Variants in ODAM observed in about 807,000 individuals in gnomAD.
ODAM encodes the protein odontogenic ameloblast-associated protein.
Under a neutral mutation model 48.5 loss-of-function variants are expected in ODAM, and 55 were observed. The ratio of observed to expected loss-of-function variants is 1.13; its 90% CI spans 0.91 to 1.42. ODAM has a LOEUF of 1.42. Ranked by LOEUF, ODAM falls within the 40% of genes most tolerant of loss-of-function variation. ODAM has a pLI of 0.00. For synonymous variants in ODAM, 127 were observed against 107.8 expected (o/e 1.18, Z -1.10); for missense variants, 353 against 323.6 (o/e 1.09, Z -0.70).
At position 70,202,781 on chromosome 4, in the gene ODAM, T is replaced by G. The variant is rs781048110; in HGVS notation, c.674T>G (p.Leu225Ter). 1 of 1,611,000 alleles carries G rather than the reference T, an allele frequency of 6.2e-7. No individual in the cohort carries two copies. Among genetic ancestry groups the G allele is most frequent in the Non-Finnish European group, 8.5e-7 (1 of 1,178,458 alleles). Residue 225 changes from leucine to a stop codon, truncating the protein, a stop_gained, in exon 10 of 12, where the codon TTA becomes TGA. Coordinates refer to ENST00000683306, the MANE Select transcript of ODAM (RefSeq NM_017855.4). LOFTEE classifies it high-confidence loss of function. ...TCAACAGGAGAAGAGATACCATATT[T>G]ACAAAAAGAAGCGATCAACTTTAGA... ...VMSTGEEIPY[L>*]QKEAINFRHD...
At chr4:70,197,030 C>T (rs531986434) in intron 3 of ODAM, among the ~76,000 whole-genome samples, 2 of 152,098 alleles carry the variant, frequency 1.3e-5, no homozygotes, top group South Asian at 4.1e-4. Flanking sequence ...AATGACTAAA[C>T]CACTGGAATG....
At chr4:70,196,620 T>C (rs2109814490) in intron 2 of ODAM, 26 bp downstream of exon 2, 1 of 1,591,636 alleles carries the variant, frequency 6.3e-7, no homozygotes. Context: ...GCACTACTAG[T>C]CCCACTGTGT....
At position 70,198,614 on chromosome 4, in the gene ODAM, A is replaced by T; in HGVS notation, c.411A>T (p.Gln137His). The T allele has an allele frequency of 6.2e-7, 1 of 1,605,458 alleles. No individual in the cohort carries two copies. The highest frequency in any genetic ancestry group is 1.3e-5 in the African/African-American group (1 of 74,330). ...ATGTATTCTCCTTCAAAATGCCTCAAGAGCAAGGACAGGTAAATGGATATA... is the reference window on the plus strand; with the variant it reads ...ATGTATTCTCCTTCAAAATGCCTCATGAGCAAGGACAGGTAAATGGATATA... ...MPYVFSFKMP[Q>H]EQGQMFQYYP... The change falls in exon 6 of 12, where the codon CAA becomes CAT. Residue 137 changes from glutamine to histidine, a missense_variant. Physicochemically the swap from Gln to His is conservative, Grantham distance 24. Coordinates refer to ENST00000683306, the MANE Select transcript of ODAM (RefSeq NM_017855.4).
At chr4:70,196,372 A>T in intron 1 of ODAM, 157 bp from the exon 2 acceptor site, 1 of 518,216 alleles carries the variant, frequency 1.9e-6, no homozygotes, top group Non-Finnish European at 3.5e-6. Context: ...TTATATCAGA[A>T]ATTTACAAAC....
chr4:70,197,912 G>C lies in ODAM; in HGVS notation c.142-12G>C, dbSNP rs368917712. On this transcript the variant is annotated splice_polypyrimidine_tract_variant and intron_variant, in intron 4 of 11. Transcript: ENST00000683306. ...GAAGGGAACATGCTTTCTTTCCTTT[G>C]TGTCTTTTTAGGGCCCACTTAATTC... is the stretch of plus-strand genomic sequence containing the variant. 6 of 1,605,498 alleles carry C rather than the reference G, an allele frequency of 3.7e-6. No homozygotes were observed. The African/African-American group carries it at 8.1e-5, about 22-fold the overall frequency.
chr4:70,196,412 G>T, intron 1 of ODAM, 117 bp from the exon 2 acceptor site: 1 of 529,040 alleles, frequency 1.9e-6, no homozygotes, highest in South Asian at 4.1e-5. Context: ...ATTGCAAAAT[G>T]TAAGTAAATA....
In ODAM at chr4:70,196,591, C is replaced by T. The variant is rs61747755; in HGVS notation, c.48C>T (p.Ala16=). 4.0e-5 allele frequency: 64 copies of T among 1,593,380 alleles called. No individual in the cohort carries two copies. The highest frequency in any genetic ancestry group is 3.3e-4 in the Middle Eastern group (2 of 6,006). ...GATTCCTGGGAGCCACATTGTCAGC[C>T]CCAGTAAGTGATTTTATGGCACTAC... ...LLGFLGATLS[A]PLIPQRLMSA... is the part of the protein sequence containing the mutation. The change falls in exon 2 of 12, where the codon GCC becomes GCT. Residue 16 remains alanine (A), a synonymous_variant. Coordinates refer to ENST00000683306, the MANE Select transcript of ODAM (RefSeq NM_017855.4).
rs1238573125 is a variant in ODAM at position 70,202,974 on chromosome 4, T to G, written c.810+57T>G. The stretch of plus-strand genomic sequence containing the variant: ...AAAATTGTCTAATGAAAAAATACAG[T>G]GATAAAATTAGTGCTTTAATTTATA... On this transcript the variant is annotated intron_variant, in intron 10 of 11. Transcript: ENST00000683306. The G allele has an allele frequency of 3.3e-6, 5 of 1,500,394 alleles. No homozygotes were observed. The African/African-American group carries it at 5.6e-5, about 17-fold the overall frequency. 92.9% of individuals were successfully genotyped at this position (1,500,394 alleles called of 1,614,324 possible). A position where few individuals can be genotyped will look rare whatever the true frequency, so the allele number is the denominator to read the frequency against.
Position 70,202,976 on chromosome 4 carries a change from A to AT in ODAM, c.810+60dup. The AT allele has an allele frequency of 1.1e-5, 17 of 1,488,136 alleles. No individual in the cohort carries two copies. In the South Asian group the frequency reaches 2.0e-4, roughly 18 times the overall value. 92.2% of individuals were successfully genotyped at this position (1,488,136 alleles called of 1,614,324 possible). On this transcript the variant is annotated intron_variant, in intron 10 of 11. Transcript: ENST00000683306. Reference sequence around the variant, plus strand: ...AATTGTCTAATGAAAAAATACAGTGATAAAATTAGTGCTTTAATTTATAGG... The same window carrying AT: ...AATTGTCTAATGAAAAAATACAGTGATTAAAATTAGTGCTTTAATTTATAGG...
intron 3 of ODAM, 84 bp downstream of exon 3, chr4:70,196,817 A>G: frequency 9.2e-7 from 1 of 1,091,388 alleles, no homozygotes; most frequent in Non-Finnish European, 1.4e-6. Flanking sequence ...TTTAATTTAT[A>G]CTGTGTTCCT....
chr4:70,202,285 G>C lies in ODAM; in HGVS notation c.604G>C (p.Ala202Pro), dbSNP rs1227895270. Residue 202 changes from alanine (A) to proline (P), a missense_variant, in exon 9 of 12, where the codon GCT (alanine) becomes CCT (proline). By Grantham distance (27) the Ala-to-Pro change is conservative. Coordinates refer to ENST00000683306, the MANE Select transcript of ODAM (RefSeq NM_017855.4). ...TATATCAGGAGGACAGCAGCAACTA[G>C]CTTTTGATCCCCAACTAGGCACAGC... ...PAISGGQQQLAFDPQLGTAPE... is the reference protein window; with the variant it reads ...PAISGGQQQLPFDPQLGTAPE... 6.2e-7 allele frequency: 1 copy of C among 1,611,894 alleles called. No individual in the cohort carries two copies. Among genetic ancestry groups the C allele is most frequent in the Non-Finnish European group, 8.5e-7 (1 of 1,178,684 alleles).
rs376631325 is a variant in ODAM at position 70,197,916 on chromosome 4, C to T, written c.142-8C>T. 2.5e-6 allele frequency: 4 copies of T among 1,609,050 alleles called. No individual in the cohort carries two copies. The Admixed American group carries it at 6.7e-5, about 27-fold the overall frequency. On this transcript the variant is annotated splice_region_variant and splice_polypyrimidine_tract_variant and intron_variant, in intron 4 of 11. Transcript: ENST00000683306. ...GGAACATGCTTTCTTTCCTTTGTGT[C>T]TTTTTAGGGCCCACTTAATTCATGG...
intron 6 of ODAM, among the ~76,000 whole-genome samples, chr4:70,199,642 G>A (rs1016801917): frequency 1.1e-4 from 17 of 151,932 alleles, no homozygotes; most frequent in East Asian, 3.9e-4. Context: ...AATTACAGAC[G>A]TCTGAACCCT....
chr4:70,202,369 A>C (rs1729519015), intron 9 of ODAM, 40 bp downstream of exon 9: 2 of 1,416,596 alleles, frequency 1.4e-6, no homozygotes, highest in Admixed American at 3.4e-5. Context: ...ACTGGAAATC[A>C]ACAATTGACA....
chr4:70,200,253 G>T, intron 6 of ODAM: 1 of 405,980 alleles, frequency 2.5e-6, no homozygotes, highest in Non-Finnish European at 4.5e-6. Context: ...CTTCTGCTTA[G>T]TTCAACCCAC....
At position 70,196,559 on chromosome 4, in the gene ODAM, C is replaced by T. The variant is rs890213987; in HGVS notation, c.16C>T (p.Leu6Phe). Residue 6 changes from leucine to phenylalanine, a missense_variant, in exon 2 of 12, where the codon CTT (leucine) becomes TTT (phenylalanine). Coordinates refer to ENST00000683306, the MANE Select transcript of ODAM (RefSeq NM_017855.4). MKIII[L>F]LGFLGATLSA... ...TCATACGAAAATGAAAATTATAATTCTTCTTGGATTCCTGGGAGCCACATT... is the reference window on the plus strand; with the variant it reads ...TCATACGAAAATGAAAATTATAATTTTTCTTGGATTCCTGGGAGCCACATT... The T allele has an allele frequency of 5.7e-6, 9 of 1,588,642 alleles. No individual in the cohort carries two copies. The Admixed American group carries it at 1.2e-4, about 21-fold the overall frequency.
intron 11 of ODAM, among the ~76,000 whole-genome samples, chr4:70,203,971 T>C (rs1729562740): frequency 6.6e-6 from 1 of 151,964 alleles, no homozygotes; most frequent in Non-Finnish European, 1.5e-5. Flanking sequence ...CTTACTAATG[T>C]ACTATATTGT....
Position 70,202,925 on chromosome 4 carries a change from C to T in ODAM, c.810+8C>T. On this transcript the variant is annotated splice_region_variant and intron_variant, in intron 10 of 11. Coordinates refer to ENST00000683306, the MANE Select transcript of ODAM (RefSeq NM_017855.4). ...GAGCTCCCAGAAGAGAAGGTAGAGT[C>T]ATGAAAACTTCACTTTATGCAAAAA... 1 of 1,590,606 alleles carries T rather than the reference C, an allele frequency of 6.3e-7. No homozygotes were observed. The highest frequency in any genetic ancestry group is 1.1e-5 in the South Asian group (1 of 87,520).
At chr4:70,198,390 T>C (rs922342533) in intron 5 of ODAM, among the ~76,000 whole-genome samples, 189 bp from the exon 6 acceptor site, 2 of 151,924 alleles carry the variant, frequency 1.3e-5, no homozygotes, top group Non-Finnish European at 2.9e-5. Flanking sequence ...TAAAAACAAG[T>C]CTAGGATAAG....
Sources: gnomAD v4.1 joint callset for allele counts (sites outside exome capture counted in the v4.1 genomes callset) on GRCh38, gnomAD v4.1.1 for gene constraint, MANE v1.5 for transcripts, NCBI Gene and HGNC (gene_info 2026-07-23, HGNC 2026-07-21) for gene names.